Variants in PHLDB3 observed in about 807,000 individuals in gnomAD.
PHLDB3 encodes the protein pleckstrin homology-like domain family B member 3.
PHLDB3 carries 86 observed loss-of-function variants against 85.7 expected under a neutral mutation model. The ratio of observed to expected loss-of-function variants is 1.00; its 90% CI spans 0.84 to 1.20. The LOEUF is 1.20. PHLDB3 is among the 50% of genes most tolerant of loss of function. PHLDB3 has a pLI of 0.00. For synonymous variants in PHLDB3, 376 were observed against 349.8 expected (o/e 1.07, Z -0.83); for missense variants, 995 against 873.0 (o/e 1.14, Z -1.76).
intron 14 of PHLDB3, among the ~76,000 whole-genome samples, chr19:43,478,380 G>A (rs117612972): frequency 2.2e-3 from 335 of 152,234 alleles, no homozygotes; most frequent in Non-Finnish European, 3.9e-3. Flanking sequence ...TGAATGCTCG[G>A]CCTCTGAGAA....
chr19:43,481,366 C>T (rs1971042869), intron 13 of PHLDB3, among the ~76,000 whole-genome samples: 2 of 152,202 alleles, frequency 1.3e-5, no homozygotes, highest in Non-Finnish European at 2.9e-5. Context: ...CGCCTACAAT[C>T]CCAGCACTTT....
Position 43,487,101 on chromosome 19 carries a change from G to T in PHLDB3, c.1172C>A (p.Thr391Asn). 6.4e-7 allele frequency: 1 copy of T among 1,566,588 alleles called. No homozygotes were observed. The highest frequency in any genetic ancestry group is 8.7e-7 in the Non-Finnish European group (1 of 1,155,198). ...SLQGSIGLQR[T>N]GSLPRKRGER... ...CCCCCTTTTCCGGGGCAGGCTCCCA[G>T]TCCTCTGGAGGCCAATGGAGCCCTG... The change falls in exon 10 of 16, where the codon ACT becomes AAT. Residue 391 changes from threonine to asparagine, a missense_variant. By Grantham distance (65) the Thr-to-Asn change is moderately conservative. Transcript: ENST00000292140.
chr19:43,498,600 C>G (rs1382317101), intron 4 of PHLDB3, among the ~76,000 whole-genome samples: 1 of 152,108 alleles, frequency 6.6e-6, no homozygotes, highest in East Asian at 1.9e-4. Context: ...TGGGCCCTGT[C>G]CTCCAAGTGG....
intron 9 of PHLDB3, among the ~76,000 whole-genome samples, chr19:43,489,408 T>C (rs1971262670): frequency 6.8e-6 from 1 of 147,512 alleles, no homozygotes; most frequent in Admixed American, 6.9e-5. Context: ...CAGAACAGCA[T>C]AGAATAAACT....
rs1466563306 is a variant in PHLDB3, at chr19:43,502,092, C to A, written c.396+9G>T. ...GGGGCCAGGCTTCCCAAGGGGTCCGCAGCCTCACCTCGATCCTCAGCTCCT... is the reference window on the plus strand; with the variant it reads ...GGGGCCAGGCTTCCCAAGGGGTCCGAAGCCTCACCTCGATCCTCAGCTCCT... On this transcript the variant is annotated intron_variant, in intron 3 of 15. Transcript: ENST00000292140. The A allele has an allele frequency of 8.3e-6, 13 of 1,564,598 alleles. No homozygotes were observed. In the Middle Eastern group the frequency reaches 6.0e-4, roughly 73 times the overall value.
intron 9 of PHLDB3, 144 bp from the exon 10 acceptor site, chr19:43,487,267 T>C: frequency 2.9e-6 from 2 of 683,600 alleles, no homozygotes; most frequent in Non-Finnish European, 2.5e-6. Context: ...CTCACAGGGG[T>C]ATGATCCCGT....
chr19:43,482,726 C>T lies in PHLDB3; in HGVS notation c.1486-3133G>A, dbSNP rs561433350. Reference sequence around the variant, plus strand: ...ATGATTTTTGTATTTTCAGTAGAGACGGGGTTTCTCCATGTTGGTCAGGCT... The same window carrying T: ...ATGATTTTTGTATTTTCAGTAGAGATGGGGTTTCTCCATGTTGGTCAGGCT... On this transcript the variant is annotated intron_variant, in intron 13 of 15. Coordinates refer to ENST00000292140, the MANE Select transcript of PHLDB3 (RefSeq NM_198850.4). Among the ~76,000 whole-genome samples the T allele has an allele frequency of 3.5e-4, 53 of 152,054 alleles. 1 individual carries two copies. The highest frequency in any genetic ancestry group is 6.8e-3 in the Middle Eastern group (2 of 294).
rs1038569453 is a variant in PHLDB3, at chr19:43,504,223, C to G, written c.-14-91G>C. 15 of 1,181,482 alleles carry G rather than the reference C, an allele frequency of 1.3e-5. No homozygotes were observed. The African/African-American group carries it at 1.5e-4, about 12-fold the overall frequency. The allele number at this position is 1,181,482 out of a possible 1,614,324, so 73.2% of individuals were successfully genotyped here. ...CTGCTCCGGGGCGCGGAGACCCCCC[C>G]CCAAGGAGGCGGGGCCTAAGAGTTC... is the stretch of plus-strand genomic sequence containing the variant. On this transcript the variant is annotated intron_variant, in intron 1 of 15. Coordinates refer to ENST00000292140, the MANE Select transcript of PHLDB3 (RefSeq NM_198850.4).
In PHLDB3 at chr19:43,504,068, C is replaced by T. The variant is rs1240345114; in HGVS notation, c.51G>A (p.Pro17=). The T allele has an allele frequency of 6.2e-7, 1 of 1,613,036 alleles. No homozygotes were observed. The highest frequency in any genetic ancestry group is 1.1e-5 in the South Asian group (1 of 90,938). Residue 17 remains proline (P), a synonymous_variant, in exon 2 of 16, where the codon CCG becomes CCA. Transcript: ENST00000292140. ...PEEGTPPPLV[P]ECDVEVQPQG... is the part of the protein sequence containing the mutation. ...GGGGCTGGACCTCCACGTCGCATTCCGGGACCAGCGGCGGCGGGGTCCCCT... is the reference window on the plus strand; with the variant it reads ...GGGGCTGGACCTCCACGTCGCATTCTGGGACCAGCGGCGGCGGGGTCCCCT...
At chr19:43,501,618 CA>C in intron 4 of PHLDB3, 115 bp downstream of exon 4, 9 of 1,493,396 alleles carry the variant, frequency 6.0e-6, no homozygotes, top group African/African-American at 1.4e-5. Flanking sequence ...CTCAGGAGCC[CA>C]AATGTCTTCC....
At chr19:43,499,590 G>A (rs532735327) in intron 4 of PHLDB3, among the ~76,000 whole-genome samples, 3 of 151,980 alleles carry the variant, frequency 2.0e-5, no homozygotes, top group African/African-American at 7.2e-5. Flanking sequence ...GATAAATGAG[G>A]GCCTAGGACC....
rs748928059 is a variant in PHLDB3, at chr19:43,486,665, T to C, written c.1372A>G (p.Met458Val). 20 of 1,613,842 alleles carry C rather than the reference T, an allele frequency of 1.2e-5. No homozygotes were observed. The highest frequency in any genetic ancestry group is 1.5e-5 in the Non-Finnish European group (18 of 1,179,860). The change falls in exon 12 of 16, where the codon ATG becomes GTG. Residue 458 changes from methionine to valine, a missense_variant. By Grantham distance (21) the Met-to-Val change is conservative. Coordinates refer to ENST00000292140, the MANE Select transcript of PHLDB3 (RefSeq NM_198850.4). Reference sequence around the variant, plus strand: ...ATGGCCTGCTGCAGGAGCCGCTCCATGTGGGCAATGTCTGGATGGATGGCC... The same window carrying C: ...ATGGCCTGCTGCAGGAGCCGCTCCACGTGGGCAATGTCTGGATGGATGGCC... ...CGAIHPDIAH[M>V]ERLLQQAMAE...
rs1971605701 is a variant in PHLDB3, at chr19:43,501,755, G to GCGCTGCTC, written c.505_512dup (p.Gly172SerfsTer15). ...AGACCTGTTCCCGCTGCTGGCGGCC[G>GCGCTGCTC]CGCTGCTCCGAGGCCGCCTGCTGCT... is the stretch of plus-strand genomic sequence containing the variant. On this transcript the variant is annotated frameshift_variant, in exon 4 of 16. Coordinates refer to ENST00000292140, the MANE Select transcript of PHLDB3 (RefSeq NM_198850.4). LOFTEE classifies it high-confidence loss of function. 6.3e-7 allele frequency: 1 copy of GCGCTGCTC among 1,583,410 alleles called. No homozygotes were observed. Among genetic ancestry groups the GCGCTGCTC allele is most frequent in the Non-Finnish European group, 8.5e-7 (1 of 1,169,932 alleles).
intron 9 of PHLDB3, among the ~76,000 whole-genome samples, chr19:43,489,183 GAA>G (rs200094321): frequency 6.6e-6 from 1 of 151,528 alleles, no homozygotes; most frequent in Non-Finnish European, 1.5e-5. Flanking sequence ...AAAAAGAAAA[GAA>G]AAAAAACAGA....
At chr19:43,501,918 G>A in intron 3 of PHLDB3, 47 bp from the exon 4 acceptor site, 2 of 1,537,600 alleles carry the variant, frequency 1.3e-6, no homozygotes, top group East Asian at 2.4e-5. Context: ...CTAGGTCCAA[G>A]GAAGAGGCCC....
chr19:43,504,189 C>G (rs1312030358), intron 1 of PHLDB3, 57 bp from the exon 2 acceptor site: 1 of 1,455,604 alleles, frequency 6.9e-7, no homozygotes, highest in African/African-American at 1.4e-5. Context: ...GGCTGAGCGC[C>G]GCTCGCGTCT....
chr19:43,493,315 T>TAAAAAAAA (rs370814591), intron 9 of PHLDB3, among the ~76,000 whole-genome samples: 1 of 143,294 alleles, frequency 7.0e-6, no homozygotes, highest in African/African-American at 2.6e-5. Context: ...AATAAATAAA[T>TAAAAAAAA]AAAATAAAAG....
intron 4 of PHLDB3, among the ~76,000 whole-genome samples, chr19:43,499,210 G>A (rs1227797015): frequency 3.9e-5 from 6 of 152,130 alleles, no homozygotes; most frequent in East Asian, 3.8e-4. Flanking sequence ...GGTGGTTGAC[G>A]GGCTTGGAGG....
intron 13 of PHLDB3, among the ~76,000 whole-genome samples, chr19:43,484,215 C>A (rs1234055596): frequency 6.9e-6 from 1 of 145,084 alleles, no homozygotes; most frequent in Admixed American, 7.0e-5. Context: ...TGTAATACTG[C>A]ACTCCAGCTT....
Sources: allele counts gnomAD v4.1 joint callset (sites outside exome capture counted in the v4.1 genomes callset), GRCh38; gene constraint gnomAD v4.1.1; transcripts MANE v1.5; gene names NCBI Gene and HGNC (gene_info 2026-07-23, HGNC 2026-07-21).